The following GPC5 variants were observed in gnomAD, a reference collection of about 807,000 sequenced individuals.
GPC5 encodes glypican-5.
A neutral mutation model predicts 53.9 loss-of-function variants in GPC5; 47 were observed. That is an observed-to-expected ratio of 0.87 (90% CI 0.69 to 1.11). The LOEUF (loss-of-function observed/expected upper bound fraction) is 1.11. Ranked by LOEUF, GPC5 falls within the 50% of genes most tolerant of loss-of-function variation. The pLI, the probability that GPC5 is intolerant of heterozygous loss-of-function variation, is 0.00. For synonymous variants in GPC5, 286 were observed against 263.3 expected (o/e 1.09, Z -0.84); for missense variants, 748 against 713.1 (o/e 1.05, Z -0.56).
chr13:91,729,194 C>G (rs1046773388), intron 4 of GPC5, among the ~76,000 whole-genome samples: 2 of 152,142 alleles, frequency 1.3e-5, no homozygotes, highest in African/African-American at 4.8e-5. Flanking sequence ...AAATGGTTAT[C>G]TGTTGATTCA....
intron 7 of GPC5, among the ~76,000 whole-genome samples, chr13:92,263,437 A>G (rs540077064): frequency 6.6e-6 from 1 of 152,246 alleles, no homozygotes; most frequent in East Asian, 1.9e-4. Flanking sequence ...TTTCCTCTCC[A>G]ATACAGTATT....
At chr13:92,749,740 A>G (rs996954351) in intron 7 of GPC5, among the ~76,000 whole-genome samples, 2 of 152,340 alleles carry the variant, frequency 1.3e-5, no homozygotes, top group African/African-American at 4.8e-5. Context: ...GAGTACAACA[A>G]TTTGTAGTTA....
intron 7 of GPC5, among the ~76,000 whole-genome samples, chr13:92,512,487 TTATA>T (rs1055045129): frequency 6.6e-6 from 1 of 152,016 alleles, no homozygotes; most frequent in Non-Finnish European, 1.5e-5. Flanking sequence ...AATAAAAATA[TTATA>T]TATAAGAAAC....
chr13:92,429,456 TTAA>T lies in GPC5; in HGVS notation c.1561+284473_1561+284475del, dbSNP rs536521923. Among the ~76,000 whole-genome samples the T allele has an allele frequency of 5.6e-3, 848 of 151,884 alleles. 6 individuals are homozygous for T. Among genetic ancestry groups the T allele is most frequent in the Non-Finnish European group, 8.3e-3 (566 of 67,908 alleles). On this transcript the variant is annotated intron_variant, in intron 7 of 7. Coordinates refer to ENST00000377067, the MANE Select transcript of GPC5 (RefSeq NM_004466.6). ...TTTAAAAAACTAATTTTTAAATAAT[TTAA>T]TAATATTTCTCTACATAATACATTC...
intron 5 of GPC5, among the ~76,000 whole-genome samples, chr13:91,839,632 C>T (rs572195100): frequency 1.2e-4 from 19 of 152,220 alleles, no homozygotes; most frequent in Admixed American, 3.3e-4. Flanking sequence ...AACAGTCCTT[C>T]ATCCTGCAAT....
chr13:92,097,051 T>C (rs796960057), intron 6 of GPC5, among the ~76,000 whole-genome samples: 13 of 152,232 alleles, frequency 8.5e-5, no homozygotes, highest in African/African-American at 2.9e-4. Flanking sequence ...TCCAAAACTA[T>C]CAGGAATAGA....
At chr13:91,712,908 C>T (rs566617) in intron 3 of GPC5, among the ~76,000 whole-genome samples, 5,995 of 151,994 alleles carry the variant, frequency 0.039, 159 homozygotes, top group Middle Eastern at 0.12. Flanking sequence ...AAAAAACAAG[C>T]GGCCAGGTGC....
At chr13:92,448,471 T>C (rs1877922618) in intron 7 of GPC5, 1 of 152,158 alleles carries the variant, frequency 6.6e-6, no homozygotes, top group Non-Finnish European at 1.5e-5. Context: ...ATCAGATACA[T>C]GAAATACTAA....
intron 2 of GPC5, among the ~76,000 whole-genome samples, chr13:91,514,265 C>T (rs1303784132): frequency 6.6e-6 from 1 of 152,114 alleles, no homozygotes; most frequent in Non-Finnish European, 1.5e-5. Flanking sequence ...TTCCCACCAG[C>T]AATGTGTAAA....
At chr13:92,058,025 A>G (rs932225043) in intron 6 of GPC5, among the ~76,000 whole-genome samples, 11 of 152,142 alleles carry the variant, frequency 7.2e-5, no homozygotes, top group African/African-American at 2.2e-4. Flanking sequence ...GACATAATTG[A>G]ATGGGATCTC....
At chr13:91,515,176 G>A (rs548367682) in intron 2 of GPC5, among the ~76,000 whole-genome samples, 95 of 152,242 alleles carry the variant, frequency 6.2e-4, no homozygotes, top group African/African-American at 2.1e-3. Flanking sequence ...TCTTAGAGTC[G>A]CACTATAGTT....
chr13:92,043,839 A>G (rs761498340), intron 6 of GPC5, among the ~76,000 whole-genome samples: 4 of 152,224 alleles, frequency 2.6e-5, no homozygotes, highest in Non-Finnish European at 4.4e-5. Flanking sequence ...TTTGAAGAAT[A>G]CATGTGAATG....
chr13:91,612,223 T>A lies in GPC5; in HGVS notation c.326-80964T>A, dbSNP rs138526757. ...AGTGATAAGAATTTCCCCAGGTGAC[T>A]GTGATAATATGAAGAATAAATTATA... On this transcript the variant is annotated intron_variant, in intron 2 of 7. Coordinates refer to ENST00000377067, the MANE Select transcript of GPC5 (RefSeq NM_004466.6). Among the ~76,000 whole-genome samples the A allele has an allele frequency of 2.5e-3, 383 of 152,322 alleles. 2 individuals carry two copies. Among genetic ancestry groups the A allele is most frequent in the Non-Finnish European group, 3.0e-3 (207 of 68,018 alleles).
At chr13:92,275,701 C>A (rs1003560901) in intron 7 of GPC5, among the ~76,000 whole-genome samples, 1 of 152,062 alleles carries the variant, frequency 6.6e-6, no homozygotes, top group African/African-American at 2.4e-5. Context: ...ACTTAATGAT[C>A]CTTGCCGAAT....
At chr13:92,791,245 T>A (rs1193122146) in intron 7 of GPC5, among the ~76,000 whole-genome samples, 1 of 152,146 alleles carries the variant, frequency 6.6e-6, no homozygotes, top group Non-Finnish European at 1.5e-5. Context: ...AATTTTAAGA[T>A]AATTTTTGTA....
intron 5 of GPC5, among the ~76,000 whole-genome samples, chr13:91,796,294 T>C (rs2038045395): frequency 6.6e-6 from 1 of 152,208 alleles, no homozygotes; most frequent in Non-Finnish European, 1.5e-5. Context: ...GGCGCCTTGC[T>C]GGATCAGAAG....
intron 7 of GPC5, among the ~76,000 whole-genome samples, chr13:92,553,661 A>G (rs904604191): frequency 2.5e-4 from 38 of 151,974 alleles, no homozygotes; most frequent in Admixed American, 1.4e-3. Flanking sequence ...TCACATGATC[A>G]AACCAGATGA....
At chr13:92,449,251 A>C (rs968652570) in intron 7 of GPC5, among the ~76,000 whole-genome samples, 1 of 152,108 alleles carries the variant, frequency 6.6e-6, no homozygotes, top group Non-Finnish European at 1.5e-5. Context: ...TGCAGTTCCA[A>C]TTTCTTATTT....
intron 2 of GPC5, among the ~76,000 whole-genome samples, chr13:91,527,567 A>C (rs190610602): frequency 1.4e-4 from 21 of 152,324 alleles, no homozygotes; most frequent in African/African-American, 3.8e-4. Flanking sequence ...TGGATCTGCT[A>C]TTCGGGCGTC....
Sources: gnomAD v4.1 joint callset for allele counts (sites outside exome capture counted in the v4.1 genomes callset) on GRCh38, gnomAD v4.1.1 for gene constraint, MANE v1.5 for transcripts, NCBI Gene and HGNC (gene_info 2026-07-23, HGNC 2026-07-21) for gene names.